Variants in TRPS1 observed in about 807,000 individuals in gnomAD.
The protein encoded by TRPS1 is transcriptional repressor GATA binding 1.
In TRPS1, 6 loss-of-function variants were observed where a neutral mutation model predicts 101.2. The observed-to-expected ratio is 0.06, with a 90% CI of 0.03 to 0.12. The LOEUF (loss-of-function observed/expected upper bound fraction) is 0.12. Among genes scored for constraint, TRPS1 ranks in the 10% least tolerant of loss-of-function variants. The pLI is 1.00. For missense variants in TRPS1, 1,363 were observed against 1,567.0 expected (o/e 0.87, Z 2.20); for synonymous variants, 578 against 589.8 (o/e 0.98, Z 0.29).
At chr8:115,449,051 A>G (rs186524636) in intron 5 of TRPS1, among the ~76,000 whole-genome samples, 25 of 152,302 alleles carry the variant, frequency 1.6e-4, no homozygotes, top group African/African-American at 5.8e-4. Flanking sequence ...ATATTTGTTG[A>G]TTTAAAAGAA....
chr8:115,604,977 C>G lies in TRPS1; in HGVS notation c.992G>C (p.Gly331Ala). ...VQVTSGGTFI[G>A]IGRKTPDCQG... Reference sequence around the variant, plus strand: ...GCAATCTGGTGTTTTCCGTCCAATGCCAATGAATGTTCCACCTGAAGTCAC... The same window carrying G: ...GCAATCTGGTGTTTTCCGTCCAATGGCAATGAATGTTCCACCTGAAGTCAC... The change falls in exon 4 of 7, where the codon GGC becomes GCC. Residue 331 changes from glycine to alanine, a missense_variant. Around this residue, in one of 5 missense-constraint regions of TRPS1, gnomAD observed 1,020 missense variants for 1,073.0 expected, o/e 0.95. Transcript: ENST00000395715. The surrounding 1 kb of genome is among the most constrained non-coding windows in gnomAD (Gnocchi z 4.1). 6.2e-7 allele frequency: 1 copy of G among 1,613,702 alleles called. No individual in the cohort carries two copies. Among genetic ancestry groups the G allele is most frequent in the Non-Finnish European group, 8.5e-7 (1 of 1,179,916 alleles).
At chr8:115,453,894 A>C (rs1010874312) in intron 5 of TRPS1, among the ~76,000 whole-genome samples, 4 of 152,212 alleles carry the variant, frequency 2.6e-5, no homozygotes, top group Non-Finnish European at 5.9e-5. Context: ...TGGATGAGAG[A>C]AAACTTTACT....
chr8:115,662,491 T>G (rs1811825134), intron 1 of TRPS1, among the ~76,000 whole-genome samples: 1 of 151,972 alleles, frequency 6.6e-6, no homozygotes, highest in African/African-American at 2.4e-5. Flanking sequence ...GGCCTTCCAC[T>G]AAACCCAATA....
chr8:115,638,443 T>C (rs1054592966), intron 1 of TRPS1, among the ~76,000 whole-genome samples: 1 of 152,050 alleles, frequency 6.6e-6, no homozygotes, highest in Admixed American at 6.5e-5. Context: ...TGTGTTAAGG[T>C]CATGAAGGTA....
chr8:115,587,839 C>G (rs1372790321), intron 4 of TRPS1, among the ~76,000 whole-genome samples: 1 of 144,658 alleles, frequency 6.9e-6, no homozygotes, highest in African/African-American at 2.5e-5. Flanking sequence ...CACAGACACA[C>G]ACACACACAC....
At chr8:115,591,065 C>A (rs549361763) in intron 4 of TRPS1, among the ~76,000 whole-genome samples, 1 of 152,038 alleles carries the variant, frequency 6.6e-6, no homozygotes, top group Non-Finnish European at 1.5e-5. Context: ...CTTCATCTAG[C>A]GGCGTTTAAT....
At chr8:115,496,125 A>G (rs1815143957) in intron 5 of TRPS1, among the ~76,000 whole-genome samples, 1 of 152,198 alleles carries the variant, frequency 6.6e-6, no homozygotes, top group South Asian at 2.1e-4. Flanking sequence ...GCTGTTTCTA[A>G]AAATCCATTA....
At chr8:115,576,760 GTA>G (rs1817328822) in intron 5 of TRPS1, among the ~76,000 whole-genome samples, 1 of 152,186 alleles carries the variant, frequency 6.6e-6, no homozygotes, top group Non-Finnish European at 1.5e-5. Context: ...TCAAAGGTTA[GTA>G]TATATTTTAG....
chr8:115,633,442 C>T (rs984816056), intron 1 of TRPS1, among the ~76,000 whole-genome samples: 1 of 152,072 alleles, frequency 6.6e-6, no homozygotes, highest in African/African-American at 2.4e-5. Context: ...CATGAGGATG[C>T]ACTACCTTGA....
chr8:115,638,503 G>T lies in TRPS1; in HGVS notation c.-121-14745C>A, dbSNP rs920425119. On this transcript the variant is annotated intron_variant, in intron 1 of 6. Transcript: ENST00000395715. Reference sequence around the variant, plus strand: ...CTTTAAGGCCCCAAAAATTGACATTGTTCTCAAGTGTGAGGTAACAGACCT... The same window carrying T: ...CTTTAAGGCCCCAAAAATTGACATTTTTCTCAAGTGTGAGGTAACAGACCT... Among the ~76,000 whole-genome samples, 8 of 152,256 alleles carry T rather than the reference G, an allele frequency of 5.3e-5. No individual in the cohort carries two copies. The Middle Eastern group carries it at 0.01, about 194-fold the overall frequency.
intron 3 of TRPS1, among the ~76,000 whole-genome samples, chr8:115,617,738 A>G (rs977062390): frequency 6.6e-6 from 1 of 152,224 alleles, no homozygotes; most frequent in African/African-American, 2.4e-5. Flanking sequence ...TGTATCTGAC[A>G]TAAGACAGTG....
chr8:115,462,284 T>C (rs1252956927), intron 5 of TRPS1, among the ~76,000 whole-genome samples: 1 of 152,026 alleles, frequency 6.6e-6, no homozygotes, highest in Non-Finnish European at 1.5e-5. Flanking sequence ...AGAAAAATCA[T>C]TGTGACTAGT....
At chr8:115,533,449 T>TGTTTTG (rs1182320214) in intron 5 of TRPS1, among the ~76,000 whole-genome samples, 1 of 123,320 alleles carries the variant, frequency 8.1e-6, no homozygotes, top group African/African-American at 4.1e-5. Context: ...TTTTTTTTTT[T>TGTTTTG]TTTTTTTTTT....
chr8:115,594,686 T>C (rs1438899682), intron 4 of TRPS1, among the ~76,000 whole-genome samples: 1 of 151,990 alleles, frequency 6.6e-6, no homozygotes, highest in Non-Finnish European at 1.5e-5. Flanking sequence ...GATCCTTCCA[T>C]GTTTCAATGC....
chr8:115,623,309 A>C (rs1026165859), intron 2 of TRPS1, among the ~76,000 whole-genome samples: 1 of 152,012 alleles, frequency 6.6e-6, no homozygotes, highest in African/African-American at 2.4e-5. Context: ...CTGTTTTTTA[A>C]AAAAATGTGC....
intron 5 of TRPS1, among the ~76,000 whole-genome samples, chr8:115,557,945 A>G (rs1816862226): frequency 6.6e-6 from 1 of 152,106 alleles, no homozygotes; most frequent in Non-Finnish European, 1.5e-5. Context: ...AGAGACACAA[A>G]AACACTACTA....
intron 5 of TRPS1, among the ~76,000 whole-genome samples, chr8:115,542,195 G>A (rs1435493212): frequency 1.3e-5 from 2 of 152,088 alleles, no homozygotes; most frequent in East Asian, 3.9e-4. Flanking sequence ...TTCAAAGAAT[G>A]GACTGTGTAC....
At position 115,519,660 on chromosome 8, in the gene TRPS1, T is replaced by C. The variant is rs57456729; in HGVS notation, c.2700+67341A>G. On this transcript the variant is annotated intron_variant, in intron 5 of 6. Coordinates refer to ENST00000395715, the MANE Select transcript of TRPS1 (RefSeq NM_014112.5). Reference sequence around the variant, plus strand: ...ACAGGATACATAAAAATATTTTCTGTATTATAACTTTAAATTCAAAAGGTT... The same window carrying C: ...ACAGGATACATAAAAATATTTTCTGCATTATAACTTTAAATTCAAAAGGTT... Among the ~76,000 whole-genome samples the C allele has an allele frequency of 2.6e-3, 396 of 151,674 alleles. 1 individual carries two copies. Among genetic ancestry groups the C allele is most frequent in the African/African-American group, 9.2e-3 (382 of 41,524 alleles).
intron 5 of TRPS1, among the ~76,000 whole-genome samples, chr8:115,504,335 TTG>T (rs1194383828): frequency 2.0e-5 from 3 of 152,100 alleles, no homozygotes; most frequent in South Asian, 4.1e-4. Flanking sequence ...CCACAAATGG[TTG>T]CAAATTCTAT....
Sources: gnomAD v4.1 joint callset for allele counts (sites outside exome capture counted in the v4.1 genomes callset) on GRCh38, gnomAD v4.1.1 for gene constraint, gnomAD v4.1.1 regional missense constraint, Gnocchi (gnomAD v3.1) non-coding constraint, MANE v1.5 for transcripts, NCBI Gene and HGNC (gene_info 2026-07-23, HGNC 2026-07-21) for gene names.